The following RELN variants were observed in gnomAD, a reference collection of about 807,000 sequenced individuals.
RELN encodes reelin.
A neutral mutation model predicts 427.6 loss-of-function variants in RELN; 108 were observed. The ratio of observed to expected loss-of-function variants is 0.25; its 90% CI spans 0.22 to 0.30. The LOEUF (loss-of-function observed/expected upper bound fraction) is 0.30. Among genes scored for constraint, RELN ranks in the 10% least tolerant of loss-of-function variants. RELN has a pLI of 1.00. For synonymous variants in RELN, 1,524 were observed against 1,513.4 expected (o/e 1.01, Z -0.16); for missense variants, 3,715 against 4,302.8 (o/e 0.86, Z 3.82).
chr7:103,963,184 C>T (rs1346673914), intron 1 of RELN, among the ~76,000 whole-genome samples: 1 of 142,564 alleles, frequency 7.0e-6, no homozygotes, highest in African/African-American at 2.8e-5. Context: ...CCTCCTCATT[C>T]CTCTGTCTTC....
chr7:103,573,653 G>A lies in RELN; in HGVS notation c.4511+439C>T, dbSNP rs2117204076. ...CAAACAGTTCTTTATTTTACCAGTA[G>A]GTGTCAGTGTAGGCATTTAAAATTT... On this transcript the variant is annotated intron_variant, in intron 30 of 64. Coordinates refer to ENST00000428762, the MANE Select transcript of RELN (RefSeq NM_005045.4). The surrounding 1 kb of genome is among the most constrained non-coding windows in gnomAD (Gnocchi z 4.4). Among the ~76,000 whole-genome samples, 1 of 152,220 alleles carries A rather than the reference G, an allele frequency of 6.6e-6. No homozygotes were observed. Among genetic ancestry groups the A allele is most frequent in the Non-Finnish European group, 1.5e-5 (1 of 68,022 alleles).
Position 103,534,208 on chromosome 7 carries a change from A to T in RELN, c.7349+1108T>A, listed in dbSNP as rs114964034. Among the ~76,000 whole-genome samples, 300 of 152,294 alleles carry T rather than the reference A, an allele frequency of 2.0e-3. 1 individual carries two copies. The highest frequency in any genetic ancestry group is 6.9e-3 in the African/African-American group (285 of 41,564). On this transcript the variant is annotated intron_variant, in intron 46 of 64. Transcript: ENST00000428762. The stretch of plus-strand genomic sequence containing the variant: ...GATGACAAAACAATAATAAGCCCAA[A>T]CTATAACTCCTGTTCCACACACTGG...
chr7:103,539,951 C>T (rs1291366201), intron 44 of RELN, among the ~76,000 whole-genome samples: 1 of 152,162 alleles, frequency 6.6e-6, no homozygotes, highest in African/African-American at 2.4e-5. Context: ...ATGGCAGAAT[C>T]CTCTATGAGC....
At chr7:103,938,930 A>C (rs16873053) in intron 1 of RELN, among the ~76,000 whole-genome samples, 3,481 of 152,044 alleles carry the variant, frequency 0.023, 242 homozygotes, top group East Asian at 0.22. Context: ...TCATTCTCCT[A>C]AAGTTTTATA....
intron 46 of RELN, among the ~76,000 whole-genome samples, chr7:103,527,469 A>C (rs973732268): frequency 6.6e-6 from 1 of 152,190 alleles, no homozygotes; most frequent in Admixed American, 6.5e-5. Flanking sequence ...TCATTAAGCA[A>C]ACCTTTCAAA....
chr7:103,794,266 G>A (rs1004286625), intron 3 of RELN, among the ~76,000 whole-genome samples: 3 of 152,072 alleles, frequency 2.0e-5, no homozygotes, highest in Admixed American at 1.3e-4. Context: ...GATTCCAACT[G>A]TAGCCAGGCT....
In RELN at chr7:103,728,280, C is replaced by T. The variant is rs545321099; in HGVS notation, c.657-73G>A. 7.1e-5 allele frequency: 96 copies of T among 1,344,948 alleles called. No homozygotes were observed. The Admixed American group carries it at 1.5e-3, about 21-fold the overall frequency. 83.3% of individuals were successfully genotyped at this position (1,344,948 alleles called of 1,614,324 possible). A position where few individuals can be genotyped will look rare whatever the true frequency, so the allele number is the denominator to read the frequency against. On this transcript the variant is annotated intron_variant, in intron 6 of 64. Coordinates refer to ENST00000428762, the MANE Select transcript of RELN (RefSeq NM_005045.4). ...CGTGGTTTACTGCTCAGGTAAGAAA[C>T]GATATAATATTTATTGTTACTCAGC... is the stretch of plus-strand genomic sequence containing the variant.
chr7:103,872,778 T>A (rs1023136790), intron 2 of RELN, among the ~76,000 whole-genome samples: 1 of 149,392 alleles, frequency 6.7e-6, no homozygotes, highest in Non-Finnish European at 1.5e-5. Flanking sequence ...AGATGGTATC[T>A]CATAGTGGTT....
chr7:103,818,206 C>T (rs1344053096), intron 3 of RELN, among the ~76,000 whole-genome samples: 1 of 152,084 alleles, frequency 6.6e-6, no homozygotes, highest in African/African-American at 2.4e-5. Context: ...CTAATTAATA[C>T]TAGTTAGTTG....
At position 103,589,455 on chromosome 7, in the gene RELN, TA is replaced by T. The variant is rs1035034187; in HGVS notation, c.4145+140del. On this transcript the variant is annotated intron_variant, in intron 28 of 64. Transcript: ENST00000428762. ...CTCAGATAAATCCCCTTTTAAGATA[TA>T]AATAAATGTTTTAAAAATTATTTTT... 7.9e-5 allele frequency: 53 copies of T among 669,302 alleles called. No individual in the cohort carries two copies. In the Admixed American group the frequency reaches 1.1e-3, roughly 14 times the overall value. 41.5% of individuals were successfully genotyped at this position (669,302 alleles called of 1,614,324 possible). A position where few individuals can be genotyped will look rare whatever the true frequency, so the allele number is the denominator to read the frequency against.
At position 103,640,886 on chromosome 7, in the gene RELN, T is replaced by C. The variant is rs1362455483; in HGVS notation, c.2003-277A>G. 6.6e-6 allele frequency among the ~76,000 whole-genome samples: 1 copy of C among 152,174 alleles called. No individual in the cohort carries two copies. Among genetic ancestry groups the C allele is most frequent in the Non-Finnish European group, 1.5e-5 (1 of 68,034 alleles). ...ATTCTTAATAGAGTCTATTAGACAA[T>C]ATTAGCGCTTCTGCCTTGAACATTC... is the stretch of plus-strand genomic sequence containing the variant. On this transcript the variant is annotated intron_variant, in intron 16 of 64. Coordinates refer to ENST00000428762, the MANE Select transcript of RELN (RefSeq NM_005045.4). This position sits in a 1 kb window ranked among gnomAD's most constrained non-coding sequence, Gnocchi z 4.1.
In RELN at chr7:103,603,241, A is replaced by C; in HGVS notation, c.3333+63T>G. 1.5e-6 allele frequency: 2 copies of C among 1,303,826 alleles called. No individual in the cohort carries two copies. Among genetic ancestry groups the C allele is most frequent in the Non-Finnish European group, 1.1e-6 (1 of 897,516 alleles). 80.8% of individuals were successfully genotyped at this position (1,303,826 alleles called of 1,614,324 possible). On this transcript the variant is annotated intron_variant, in intron 24 of 64. Transcript: ENST00000428762. This position sits in a 1 kb window ranked among gnomAD's most constrained non-coding sequence, Gnocchi z 4.3. The stretch of plus-strand genomic sequence containing the variant: ...AACCACTTCATATTTGTACATTTGG[A>C]ATTCAGAGTCTCATATTAAACTAGC...
chr7:103,635,440 C>T lies in RELN; in HGVS notation c.2450G>A (p.Ser817Asn). ...WKLLEHYSYL[S>N]YHEPRIISVE... ...TCCAACATACCTGGGCTCATGATAG[C>T]TGAGATATGAATAATGCTCCAGGAG... The change falls in exon 19 of 65, where the codon AGC (serine) becomes AAC (asparagine). Residue 817 changes from serine (S) to asparagine (N), a missense_variant. Physicochemically the swap from Ser to Asn is conservative, Grantham distance 46. This residue lies in a region of RELN where 2,208 missense variants were observed against 2,361.7 expected (regional missense o/e 0.93). Transcript: ENST00000428762. 2 of 1,613,906 alleles carry T rather than the reference C, an allele frequency of 1.2e-6. No homozygotes were observed. Among genetic ancestry groups the T allele is most frequent in the Non-Finnish European group, 1.7e-6 (2 of 1,179,900 alleles).
intron 2 of RELN, among the ~76,000 whole-genome samples, chr7:103,872,004 C>T (rs1431692719): frequency 1.4e-5 from 2 of 144,758 alleles, no homozygotes; most frequent in African/African-American, 5.1e-5. Flanking sequence ...ATTCTATCTA[C>T]AGTATATGAA....
chr7:103,977,653 G>A (rs1437943227), intron 1 of RELN, among the ~76,000 whole-genome samples: 1 of 152,106 alleles, frequency 6.6e-6, no homozygotes. Context: ...CCTCCCTACT[G>A]GTTCCTACTA....
At chr7:103,655,097 C>A (rs10234931) in intron 12 of RELN, among the ~76,000 whole-genome samples, 8,164 of 152,084 alleles carry the variant, frequency 0.054, 580 homozygotes, top group African/African-American at 0.16. Flanking sequence ...TAGGCATGAG[C>A]CACCACGCCT....
intron 1 of RELN, among the ~76,000 whole-genome samples, chr7:103,956,672 A>T (rs1267190150): frequency 6.6e-6 from 1 of 152,198 alleles, no homozygotes; most frequent in East Asian, 1.9e-4. Flanking sequence ...TTCTCCCAAA[A>T]GGGGTTATTA....
intron 1 of RELN, among the ~76,000 whole-genome samples, chr7:103,976,226 T>C (rs1291125129): frequency 6.6e-6 from 1 of 152,168 alleles, no homozygotes. Flanking sequence ...GTTACTTTTG[T>C]TGGTAAAATG....
intron 11 of RELN, among the ~76,000 whole-genome samples, chr7:103,671,488 A>C (rs1432311786): frequency 6.6e-6 from 1 of 152,176 alleles, no homozygotes; most frequent in East Asian, 1.9e-4. Context: ...GATTGTTTAG[A>C]GAAAATGATG....
Sources: allele counts gnomAD v4.1 joint callset (sites outside exome capture counted in the v4.1 genomes callset), GRCh38; gene constraint gnomAD v4.1.1; regional missense constraint gnomAD v4.1.1; non-coding constraint Gnocchi (gnomAD v3.1); transcripts MANE v1.5; gene names NCBI Gene and HGNC (gene_info 2026-07-23, HGNC 2026-07-21).